Variants in PACS1 observed in about 807,000 individuals in gnomAD.
PACS1 encodes the protein PACS-1.
In PACS1, 24 loss-of-function variants were observed where a neutral mutation model predicts 115.0. That is an observed-to-expected ratio of 0.21 (90% CI 0.15 to 0.29). PACS1 has a LOEUF of 0.29. Ranked by LOEUF, PACS1 falls within the 10% of genes least tolerant of loss-of-function variation. PACS1 has a pLI of 1.00. For missense variants in PACS1, 838 were observed against 1,251.2 expected (o/e 0.67, Z 4.98); for synonymous variants, 453 against 504.5 (o/e 0.90, Z 1.37).
At chr11:66,159,607 G>T (rs1464402376) in intron 1 of PACS1, among the ~76,000 whole-genome samples, 1 of 152,116 alleles carries the variant, frequency 6.6e-6, no homozygotes, top group African/African-American at 2.4e-5. Context: ...TTCAGTTTTG[G>T]GGGTGGGGGA....
chr11:66,103,494 T>G (rs1857966321), intron 1 of PACS1, among the ~76,000 whole-genome samples: 1 of 149,062 alleles, frequency 6.7e-6, no homozygotes, highest in Non-Finnish European at 1.5e-5. Context: ...GAATTTTTCT[T>G]TTCAGTTTTT....
At chr11:66,179,298 A>G (rs1456799393) in intron 1 of PACS1, among the ~76,000 whole-genome samples, 3 of 152,236 alleles carry the variant, frequency 2.0e-5, no homozygotes, top group Non-Finnish European at 4.4e-5. Context: ...GTAATTTAAA[A>G]TGTTTCTTTT....
intron 1 of PACS1, among the ~76,000 whole-genome samples, chr11:66,104,881 C>T (rs533536859): frequency 5.3e-5 from 8 of 152,308 alleles, no homozygotes; most frequent in African/African-American, 1.9e-4. Context: ...CCTCACTACT[C>T]TATTGGCAGG....
chr11:66,232,941 T>TCCTC lies in PACS1; in HGVS notation c.1732-11_1732-8dup. On this transcript the variant is annotated intron_variant, in intron 14 of 23. Transcript: ENST00000320580. ...TGTGTTCTCACCTGTGTCCCTGCTCTCCTCCCTCCCTATCCCAGTATGTGG... is the reference window on the plus strand; with the variant it reads ...TGTGTTCTCACCTGTGTCCCTGCTCTCCTCCCTCCCTCCCTATCCCAGTATGTGG... 2 of 1,584,220 alleles carry TCCTC rather than the reference T, an allele frequency of 1.3e-6. No individual in the cohort carries two copies. Among genetic ancestry groups the TCCTC allele is most frequent in the Non-Finnish European group, 1.7e-6 (2 of 1,154,250 alleles).
intron 4 of PACS1, among the ~76,000 whole-genome samples, chr11:66,214,620 C>CTTTTTTTTTTTTTTTTTTCT (rs578031707): frequency 8.7e-6 from 1 of 115,348 alleles, no homozygotes; most frequent in Admixed American, 1.0e-4. Context: ...TTTTTCTTTT[C>CTTTTTTTTTTTTTTTTTTCT]TTTTTTTTTT....
intron 1 of PACS1, among the ~76,000 whole-genome samples, chr11:66,128,889 A>G (rs2134573533): frequency 6.6e-6 from 1 of 151,770 alleles, no homozygotes; most frequent in Admixed American, 6.6e-5. Context: ...ATCTCAAAAA[A>G]AAAAAAAAAT....
chr11:66,230,630 G>A lies in PACS1; in HGVS notation c.1457G>A (p.Ser486Asn), dbSNP rs770126115. Reference protein sequence around the residue: ...PEKVKTPMKSSKTDLQGSASP... With the variant: ...PEKVKTPMKSNKTDLQGSASP... ...AAAGTCAAAACTCCCATGAAGTCCA[G>A]TAAAACGGATCTCCAGGGCTCTGCC... The change falls in exon 12 of 24, where the codon AGT (serine) becomes AAT (asparagine). Residue 486 changes from serine (S) to asparagine (N), a missense_variant. Ser to Asn is a conservative substitution (Grantham distance 46, BLOSUM62 1). Coordinates refer to ENST00000320580, the MANE Select transcript of PACS1 (RefSeq NM_018026.4). 5.0e-6 allele frequency: 8 copies of A among 1,614,156 alleles called. No individual in the cohort carries two copies. In the Admixed American group the frequency reaches 1.0e-4, roughly 20 times the overall value.
chr11:66,242,797 T>C (rs1590845413), intron 22 of PACS1, 115 bp from the exon 23 acceptor site: 2 of 1,345,016 alleles, frequency 1.5e-6, no homozygotes, highest in South Asian at 2.7e-5. Flanking sequence ...GGAGGAGGGG[T>C]TGGTTTGCAG....
intron 1 of PACS1, among the ~76,000 whole-genome samples, chr11:66,086,012 T>C (rs1857559872): frequency 2.6e-5 from 4 of 152,192 alleles, no homozygotes; most frequent in Admixed American, 2.6e-4. Flanking sequence ...TTTTCTAAAA[T>C]GGTGAATAAA....
Position 66,233,668 on chromosome 11 carries a change from G to A in PACS1, c.1839-117G>A. The A allele has an allele frequency of 1.1e-6, 1 of 924,730 alleles. No individual in the cohort carries two copies. Among genetic ancestry groups the A allele is most frequent in the East Asian group, 2.5e-5 (1 of 39,594 alleles). 57.3% of individuals were successfully genotyped at this position (924,730 alleles called of 1,614,324 possible). A position where few individuals can be genotyped will look rare whatever the true frequency, so the allele number is the denominator to read the frequency against. ...ATGATCCTCTCTGTTTTATTTTGTG[G>A]ATTGGTTTGCTTTTCCCCTGTGGGT... On this transcript the variant is annotated intron_variant, in intron 15 of 23. Coordinates refer to ENST00000320580, the MANE Select transcript of PACS1 (RefSeq NM_018026.4). This position sits in a 1 kb window ranked among gnomAD's most constrained non-coding sequence, Gnocchi z 4.5.
Position 66,233,286 on chromosome 11 carries a change from G to A in PACS1, c.1838+220G>A, listed in dbSNP as rs1293391740. ...GGAAATATCAATTCCTGTGCTCCCT[G>A]CCTCCCTGCCTGGACCCCCGCCATG... On this transcript the variant is annotated intron_variant, in intron 15 of 23. Transcript: ENST00000320580. The surrounding 1 kb of genome is among the most constrained non-coding windows in gnomAD (Gnocchi z 4.5). Among the ~76,000 whole-genome samples, 1 of 152,110 alleles carries A rather than the reference G, an allele frequency of 6.6e-6. No homozygotes were observed. The highest frequency in any genetic ancestry group is 1.9e-4 in the East Asian group (1 of 5,196).
intron 1 of PACS1, 36 bp from the exon 2 acceptor site, chr11:66,193,450 C>T (rs1002847204): frequency 5.6e-6 from 8 of 1,429,254 alleles, no homozygotes; most frequent in Admixed American, 3.4e-5. Context: ...GCAAGTTCCT[C>T]GCATATGACA....
intron 10 of PACS1, among the ~76,000 whole-genome samples, chr11:66,227,099 C>G (rs1168350446): frequency 6.6e-6 from 1 of 152,142 alleles, no homozygotes; most frequent in African/African-American, 2.4e-5. Flanking sequence ...AATCAAAGAC[C>G]TGAACCTAGC....
rs1026006698 is a variant in PACS1 at position 66,070,705 on chromosome 11, C to T, written c.219C>T (p.Ser73=). Residue 73 remains serine (S), a synonymous_variant, in exon 1 of 24, where the codon TCC becomes TCT. Transcript: ENST00000320580. This position sits in a 1 kb window ranked among gnomAD's most constrained non-coding sequence, Gnocchi z 5.9. ...AAASSSSSST[S]TSMAVAVASG... ...CCTCCTCCTCGTCCTCGTCTACCTC[C>T]ACCTCCATGGCCGTGGCGGTGGCCT... The T allele has an allele frequency of 1.6e-5, 25 of 1,580,524 alleles. No homozygotes were observed. Among genetic ancestry groups the T allele is most frequent in the Non-Finnish European group, 2.0e-5 (23 of 1,170,952 alleles).
intron 1 of PACS1, among the ~76,000 whole-genome samples, chr11:66,088,966 T>G (rs1262095966): frequency 2.0e-5 from 3 of 152,344 alleles, no homozygotes; most frequent in South Asian, 2.1e-4. Context: ...TATTCCTATA[T>G]ATTTGATATT....
At chr11:66,119,138 G>T (rs1858384375) in intron 1 of PACS1, among the ~76,000 whole-genome samples, 1 of 152,202 alleles carries the variant, frequency 6.6e-6, no homozygotes. Flanking sequence ...CTTCTGACCG[G>T]TAGCGTTAAT....
intron 1 of PACS1, among the ~76,000 whole-genome samples, chr11:66,111,465 A>G (rs777322587): frequency 1.3e-5 from 2 of 152,158 alleles, no homozygotes; most frequent in Admixed American, 1.3e-4. Flanking sequence ...CCAAGTGCCT[A>G]TTTGACATCT....
chr11:66,219,410 C>T (rs766310758), intron 7 of PACS1: 33 of 429,378 alleles, frequency 7.7e-5, no homozygotes, highest in Admixed American at 1.9e-4. Context: ...GCTGTGCATG[C>T]GCAGGTAGGA....
Position 66,243,478 on chromosome 11 carries a change from C to A in PACS1, c.*198C>A. ...CCTCCAGCCCACCCCTGCACAGCCC[C>A]TCCTCCTTCCCGCTTTTCCCCTTCT... On this transcript the variant is annotated 3_prime_UTR_variant, in exon 24 of 24. Transcript: ENST00000320580. 1.7e-6 allele frequency: 1 copy of A among 589,380 alleles called. No individual in the cohort carries two copies. The highest frequency in any genetic ancestry group is 3.0e-6 in the Non-Finnish European group (1 of 329,580). 36.5% of individuals were successfully genotyped at this position (589,380 alleles called of 1,614,324 possible). A position where few individuals can be genotyped will look rare whatever the true frequency, so the allele number is the denominator to read the frequency against.
Sources: allele counts gnomAD v4.1 joint callset (sites outside exome capture counted in the v4.1 genomes callset), GRCh38; gene constraint gnomAD v4.1.1; non-coding constraint Gnocchi (gnomAD v3.1); transcripts MANE v1.5; gene names NCBI Gene and HGNC (gene_info 2026-07-23, HGNC 2026-07-21).